Variants in NFIA observed in about 807,000 individuals in gnomAD.
NFIA encodes the protein nuclear factor 1 A-type.
A neutral mutation model predicts 62.8 loss-of-function variants in NFIA; 8 were observed. That is an observed-to-expected ratio of 0.13 (90% CI 0.07 to 0.23). The LOEUF (loss-of-function observed/expected upper bound fraction) is 0.23. Among genes scored for constraint, NFIA ranks in the 10% least tolerant of loss-of-function variants. NFIA has a pLI of 1.00. For synonymous variants in NFIA, 235 were observed against 238.1 expected (o/e 0.99, Z 0.12); for missense variants, 410 against 642.1 (o/e 0.64, Z 3.91).
At chr1:61,219,727 GAAAA>G (rs1357469289) in intron 2 of NFIA, among the ~76,000 whole-genome samples, 1 of 91,214 alleles carries the variant, frequency 1.1e-5, no homozygotes, top group Non-Finnish European at 2.1e-5. Context: ...AAAAAAAAAA[GAAAA>G]AAGGCGGGCG....
intron 6 of NFIA, among the ~76,000 whole-genome samples, chr1:61,379,240 T>TG (rs573987096): frequency 1.3e-5 from 2 of 151,256 alleles, no homozygotes; most frequent in East Asian, 3.9e-4. Flanking sequence ...AGTACCACAA[T>TG]TTTTTTTTCA....
chr1:61,277,090 G>C (rs911837150), intron 2 of NFIA, among the ~76,000 whole-genome samples: 3 of 152,144 alleles, frequency 2.0e-5, no homozygotes, highest in Admixed American at 6.5e-5. Context: ...CTGTTGTTTG[G>C]GTTGCTTTTA....
intron 4 of NFIA, among the ~76,000 whole-genome samples, chr1:61,349,422 T>C (rs1008040305): frequency 6.6e-6 from 1 of 152,198 alleles, no homozygotes; most frequent in Non-Finnish European, 1.5e-5. Context: ...ATTGTTTTAT[T>C]TCCTCATACC....
intron 2 of NFIA, among the ~76,000 whole-genome samples, chr1:61,206,069 A>G (rs973043034): frequency 6.6e-6 from 1 of 151,838 alleles, no homozygotes; most frequent in Admixed American, 6.6e-5. Context: ...GTGTGCATCA[A>G]TTAACTTTTT....
Position 61,294,100 on chromosome 1 carries a change from A to G in NFIA, c.625+16515A>G, listed in dbSNP as rs186538229. Among the ~76,000 whole-genome samples the G allele has an allele frequency of 3.7e-3, 566 of 152,344 alleles. 9 individuals carry two copies. The highest frequency in any genetic ancestry group is 0.013 in the African/African-American group (552 of 41,586). On this transcript the variant is annotated intron_variant, in intron 3 of 10. Transcript: ENST00000403491. ...GCTGACCACTTGGTCACTTTGACAC[A>G]GTTTACTAGAGAAGTTTGATTTGCA...
chr1:61,255,437 T>C (rs944595654), intron 2 of NFIA, among the ~76,000 whole-genome samples: 1 of 152,256 alleles, frequency 6.6e-6, no homozygotes, highest in Non-Finnish European at 1.5e-5. Context: ...GAAATACTTT[T>C]GCATTATGCG....
intron 2 of NFIA, among the ~76,000 whole-genome samples, chr1:61,224,461 C>A (rs1430496480): frequency 1.3e-5 from 2 of 152,032 alleles, no homozygotes; most frequent in African/African-American, 4.8e-5. Flanking sequence ...CAGTGGAATC[C>A]TTTTTTCATG....
intron 2 of NFIA, among the ~76,000 whole-genome samples, chr1:61,103,820 C>T (rs954232611): frequency 1.2e-4 from 18 of 152,084 alleles, no homozygotes; most frequent in Non-Finnish European, 5.9e-5. Context: ...ATTTCTTCAC[C>T]CAAATCCATA....
chr1:61,411,686 T>C (rs568630910), intron 9 of NFIA, among the ~76,000 whole-genome samples: 1 of 151,662 alleles, frequency 6.6e-6, no homozygotes, highest in African/African-American at 2.4e-5. Flanking sequence ...GGATATAAGA[T>C]GGTGATATGT....
intron 2 of NFIA, among the ~76,000 whole-genome samples, chr1:61,273,941 C>T (rs1657660935): frequency 6.6e-6 from 1 of 152,174 alleles, no homozygotes; most frequent in African/African-American, 2.4e-5. Context: ...TGTCATTCCT[C>T]ACCTTCCCCA....
rs941864980 is a variant in NFIA, at chr1:61,459,160, T to C, written c.*3840T>C. On this transcript the variant is annotated 3_prime_UTR_variant, in exon 11 of 11. Coordinates refer to ENST00000403491, the MANE Select transcript of NFIA (RefSeq NM_001134673.4). ...ACAGACAGACTGAGAGCTATCAGCA[T>C]TTGAAGGCCCAGCCCTTGACTCTGA... 1 of 152,202 alleles carries C rather than the reference T, an allele frequency of 6.6e-6. No homozygotes were observed. Among genetic ancestry groups the C allele is most frequent in the African/African-American group, 2.4e-5 (1 of 41,438 alleles). 9.4% of individuals were successfully genotyped at this position (152,202 alleles called of 1,614,324 possible). A position where few individuals can be genotyped will look rare whatever the true frequency, so the allele number is the denominator to read the frequency against.
intron 7 of NFIA, among the ~76,000 whole-genome samples, chr1:61,399,307 C>T (rs1018185968): frequency 1.3e-5 from 2 of 152,180 alleles, no homozygotes; most frequent in African/African-American, 4.8e-5. Context: ...CTGTATATAA[C>T]ACTGCCTTAA....
rs1490047814 is a variant in NFIA, at chr1:61,274,284, A to C, written c.560-3236A>C. Among the ~76,000 whole-genome samples, 6 of 152,202 alleles carry C rather than the reference A, an allele frequency of 3.9e-5. 1 individual carries two copies. The highest frequency in any genetic ancestry group is 7.3e-5 in the Non-Finnish European group (5 of 68,040). On this transcript the variant is annotated intron_variant, in intron 2 of 10. Coordinates refer to ENST00000403491, the MANE Select transcript of NFIA (RefSeq NM_001134673.4). ...TTTTAGGTTTAAATTTCTGCTCATA[A>C]ATTTTTTAAAAATCCAAAGAAACAT...
intron 3 of NFIA, among the ~76,000 whole-genome samples, chr1:61,301,798 A>T (rs1206618631): frequency 6.6e-6 from 1 of 152,134 alleles, no homozygotes; most frequent in Admixed American, 6.5e-5. Flanking sequence ...ATTCTTCCTG[A>T]AAGCAGTTTC....
intron 3 of NFIA, among the ~76,000 whole-genome samples, chr1:61,293,783 T>C (rs1370841584): frequency 6.6e-6 from 1 of 152,246 alleles, no homozygotes; most frequent in Non-Finnish European, 1.5e-5. Flanking sequence ...TTTGCATTTA[T>C]AGAATAGTTA....
intron 2 of NFIA, among the ~76,000 whole-genome samples, chr1:61,166,669 CTACT>C (rs1356368184): frequency 1.3e-5 from 2 of 151,996 alleles, no homozygotes; most frequent in African/African-American, 2.4e-5. Context: ...ACCTACCAAA[CTACT>C]TATAGTTTAT....
intron 3 of NFIA, among the ~76,000 whole-genome samples, chr1:61,286,256 T>G (rs1658486700): frequency 6.7e-6 from 1 of 149,116 alleles, no homozygotes; most frequent in Non-Finnish European, 1.5e-5. Context: ...TGAAACCCTG[T>G]CTCTACTTAA....
At chr1:61,398,911 A>G (rs1665415528) in intron 7 of NFIA, among the ~76,000 whole-genome samples, 1 of 152,226 alleles carries the variant, frequency 6.6e-6, no homozygotes, top group Admixed American at 6.5e-5. Context: ...CTGAAGAAGC[A>G]AGATACATAG....
At chr1:61,273,598 G>A (rs1360645783) in intron 2 of NFIA, among the ~76,000 whole-genome samples, 1 of 152,086 alleles carries the variant, frequency 6.6e-6, no homozygotes, top group Non-Finnish European at 1.5e-5. Context: ...TTGAAATTTC[G>A]TCTCTTCAGT....
Sources: gnomAD v4.1 joint callset for allele counts (sites outside exome capture counted in the v4.1 genomes callset) on GRCh38, gnomAD v4.1.1 for gene constraint, MANE v1.5 for transcripts, NCBI Gene and HGNC (gene_info 2026-07-23, HGNC 2026-07-21) for gene names.